The following MYLK2 variants were observed in gnomAD, a reference collection of about 807,000 sequenced individuals.
MYLK2 encodes myosin light chain kinase 2, skeletal/cardiac muscle.
MYLK2 carries 27 observed loss-of-function variants against 58.2 expected under a neutral mutation model. That is an observed-to-expected ratio of 0.46 (90% CI 0.34 to 0.64). The LOEUF is 0.64. Ranked by LOEUF, MYLK2 falls within the 30% of genes least tolerant of loss-of-function variation. MYLK2 has a pLI of 0.01. For synonymous variants in MYLK2, 310 were observed against 296.7 expected, an observed-to-expected ratio of 1.04 and a Z score of -0.46; for missense variants, 676 against 764.3, an observed-to-expected ratio of 0.88 and a Z score of 1.36.
intron 12 of MYLK2, 102 bp from the exon 13 acceptor site, chr20:31,833,615 G>A (rs2062317683): frequency 3.7e-6 from 4 of 1,067,210 alleles, no homozygotes; most frequent in Admixed American, 3.4e-5. Flanking sequence ...TCTCTAGCCT[G>A]TGACCCTCCT....
chr20:31,829,805 T>A (rs1210711700), intron 8 of MYLK2, among the ~76,000 whole-genome samples: 2 of 152,164 alleles, frequency 1.3e-5, no homozygotes, highest in African/African-American at 4.8e-5. Context: ...CCCTGCAACC[T>A]CAGATTAGTC....
intron 12 of MYLK2, among the ~76,000 whole-genome samples, chr20:31,832,809 G>T (rs779481087): frequency 8.5e-5 from 13 of 152,134 alleles, no homozygotes; most frequent in Non-Finnish European, 1.3e-4. Flanking sequence ...GCATTTTCTA[G>T]AGCCCTGTGG....
chr20:31,820,739 A>G (rs759496484), intron 3 of MYLK2, among the ~76,000 whole-genome samples, 193 bp downstream of exon 3: 1 of 152,176 alleles, frequency 6.6e-6, no homozygotes, highest in Non-Finnish European at 1.5e-5. Flanking sequence ...CCCTGCCACA[A>G]TTCATACAAG....
At position 31,828,631 on chromosome 20, in the gene MYLK2, C is replaced by T. The variant is rs1377776494; in HGVS notation, c.1224+1693C>T. The T allele has an allele frequency of 7.1e-6, 7 of 985,268 alleles. No homozygotes were observed. The South Asian group carries it at 2.3e-4, about 33-fold the overall frequency. The allele number at this position is 985,268 out of a possible 1,614,324, so 61.0% of individuals were successfully genotyped here. A position where few individuals can be genotyped will look rare whatever the true frequency, so the allele number is the denominator to read the frequency against. Reference sequence around the variant, plus strand: ...TTTGAGAAAATACACGAGAGTAATGCGGAATCGCACTGGGTGAAATTGAAG... The same window carrying T: ...TTTGAGAAAATACACGAGAGTAATGTGGAATCGCACTGGGTGAAATTGAAG... On this transcript the variant is annotated intron_variant, in intron 8 of 12. Coordinates refer to ENST00000375985, the MANE Select transcript of MYLK2 (RefSeq NM_033118.4).
chr20:31,832,341 C>A (rs1186381432), intron 12 of MYLK2, among the ~76,000 whole-genome samples: 1 of 152,126 alleles, frequency 6.6e-6, no homozygotes, highest in African/African-American at 2.4e-5. Flanking sequence ...TCCACCCAGC[C>A]CCACCCATCT....
At chr20:31,820,928 T>C (rs1346706430) in intron 3 of MYLK2, among the ~76,000 whole-genome samples, 2 of 152,204 alleles carry the variant, frequency 1.3e-5, no homozygotes, top group African/African-American at 4.8e-5. Context: ...GGACATCCAG[T>C]ATTTTCCTGT....
At chr20:31,829,253 C>A (rs995129925) in intron 8 of MYLK2, among the ~76,000 whole-genome samples, 6 of 152,154 alleles carry the variant, frequency 3.9e-5, no homozygotes. Context: ...GATAATAATA[C>A]GTTTTTTGTC....
At chr20:31,826,344 G>A (rs2062279434) in intron 6 of MYLK2, among the ~76,000 whole-genome samples, 2 of 152,040 alleles carry the variant, frequency 1.3e-5, no homozygotes, top group Admixed American at 6.6e-5. Context: ...CAGAGAGAGG[G>A]AAGCGGTGAG....
At chr20:31,832,163 G>C (rs750087648) in intron 12 of MYLK2, 27 bp downstream of exon 12, 6 of 1,546,600 alleles carry the variant, frequency 3.9e-6, no homozygotes, top group Admixed American at 3.4e-5. Context: ...GGTGGGGAGG[G>C]AGGGCTTGCT....
At chr20:31,831,506 G>T (rs1392334366) in intron 10 of MYLK2, among the ~76,000 whole-genome samples, 197 bp from the exon 11 acceptor site, 1 of 152,096 alleles carries the variant, frequency 6.6e-6, no homozygotes, top group Non-Finnish European at 1.5e-5. Context: ...GATGAGAAGA[G>T]TGAGGCTCAG....
intron 3 of MYLK2, among the ~76,000 whole-genome samples, 193 bp from the exon 4 acceptor site, chr20:31,821,246 G>T (rs1223082358): frequency 6.6e-6 from 1 of 152,232 alleles, no homozygotes; most frequent in African/African-American, 2.4e-5. Flanking sequence ...TATTAATGAT[G>T]TATTAGTGTG....
In MYLK2 at chr20:31,819,645, G is replaced by A. The variant is rs777578125; in HGVS notation, c.52+13G>A. 1 of 1,551,522 alleles carries A rather than the reference G, an allele frequency of 6.4e-7. No individual in the cohort carries two copies. The highest frequency in any genetic ancestry group is 1.2e-5 in the South Asian group (1 of 84,056). ...AACCCATCAACAGGTGCCAAGCTGG[G>A]GCAGGAGATGGAGGGAGGAGCTTGG... On this transcript the variant is annotated intron_variant, in intron 2 of 12. Transcript: ENST00000375985.
At position 31,823,505 on chromosome 20, in the gene MYLK2, C is replaced by T; in HGVS notation, c.801C>T (p.Phe267=). Residue 267 remains phenylalanine (F), a synonymous_variant, in exon 5 of 13, where the codon TTC becomes TTT. Coordinates refer to ENST00000375985, the MANE Select transcript of MYLK2 (RefSeq NM_033118.4). ...ATTGCCCGCCACCTCCGGCCCCCTT[C>T]CCTCACCGCATGGTGGAGCTGAGGA... ...LDDCPPPPAP[F]PHRMVELRTG... 6.2e-7 allele frequency: 1 copy of T among 1,613,598 alleles called. No individual in the cohort carries two copies. Among genetic ancestry groups the T allele is most frequent in the Non-Finnish European group, 8.5e-7 (1 of 1,180,022 alleles).
rs1009454 is a variant in MYLK2 at position 31,819,896 on chromosome 20, G to A, written c.53-230G>A. ...CCTAAACAGTCAGGGCAAGGATGAT[G>A]GGGGCCACCAAGGCCCACCCAAAGG... On this transcript the variant is annotated intron_variant, in intron 2 of 12. Transcript: ENST00000375985. Among the ~76,000 whole-genome samples, 13,335 of 152,246 alleles carry A rather than the reference G, an allele frequency of 0.088. 660 individuals are homozygous for A. The highest frequency in any genetic ancestry group is 0.14 in the African/African-American group (5,666 of 41,540).
intron 4 of MYLK2, 105 bp from the exon 5 acceptor site, chr20:31,823,372 A>G (rs1480843771): frequency 1.7e-5 from 18 of 1,039,690 alleles, no homozygotes; most frequent in African/African-American, 3.1e-5. Context: ...CACTTGGTGA[A>G]CTTAACTTCC....
rs756999360 is a variant in MYLK2 at position 31,821,501 on chromosome 20, T to G, written c.536T>G (p.Val179Gly). ...SEASELTFEGVPMTHSPTDPR... is the reference protein window; with the variant it reads ...SEASELTFEGGPMTHSPTDPR... ...GCATCAGAGCTCACCTTTGAAGGGG[T>G]GCCCATGACCCACAGCCCCACGGAT... is the stretch of plus-strand genomic sequence containing the variant. The change falls in exon 4 of 13, where the codon GTG (valine) becomes GGG (glycine). Residue 179 changes from valine (V) to glycine (G), a missense_variant. This residue lies in a region of MYLK2 where 306 missense variants were observed against 296.5 expected (regional missense o/e 1.03). Transcript: ENST00000375985. 1 of 1,613,870 alleles carries G rather than the reference T, an allele frequency of 6.2e-7. No homozygotes were observed.
intron 4 of MYLK2, among the ~76,000 whole-genome samples, chr20:31,823,022 C>G (rs778080676): frequency 6.6e-6 from 1 of 152,238 alleles, no homozygotes; most frequent in Non-Finnish European, 1.5e-5. Flanking sequence ...GTCCCCGGTC[C>G]CGCCCCGCCA....
intron 5 of MYLK2, chr20:31,823,790 C>T (rs985664472): frequency 1.5e-5 from 6 of 397,650 alleles, no homozygotes; most frequent in Non-Finnish European, 1.7e-5. Flanking sequence ...TCAGACGCAC[C>T]GTCAGCCATT....
rs1304961460 is a variant in MYLK2 at position 31,831,684 on chromosome 20, T to C, written c.1425-19T>C. On this transcript the variant is annotated intron_variant, in intron 10 of 12. Coordinates refer to ENST00000375985, the MANE Select transcript of MYLK2 (RefSeq NM_033118.4). ...CCTCCAATCTCACCTCCCTGCCCCC[T>C]GCTATCCCCTCCCTCTAGGCTGAGC... The C allele has an allele frequency of 5.0e-6, 8 of 1,613,580 alleles. No individual in the cohort carries two copies. Among genetic ancestry groups the C allele is most frequent in the Non-Finnish European group, 6.8e-6 (8 of 1,179,882 alleles).
Sources: allele counts gnomAD v4.1 joint callset (sites outside exome capture counted in the v4.1 genomes callset), GRCh38; gene constraint gnomAD v4.1.1; regional missense constraint gnomAD v4.1.1; transcripts MANE v1.5; gene names NCBI Gene and HGNC (gene_info 2026-07-23, HGNC 2026-07-21).